SLC26A7: variants seen among roughly 807,000 people sequenced by gnomAD.
The protein encoded by SLC26A7 is solute carrier family 26 member 7.
A neutral mutation model predicts 82.5 loss-of-function variants in SLC26A7; 59 were observed. The observed-to-expected ratio is 0.72, with a 90% CI of 0.58 to 0.89. The LOEUF (loss-of-function observed/expected upper bound fraction) is 0.89, where lower values mean the gene tolerates loss of function less well. SLC26A7 is among the 40% of genes least tolerant of loss of function. The pLI, the probability that SLC26A7 is intolerant of heterozygous loss-of-function variation, is 0.00. For synonymous variants in SLC26A7, 271 were observed against 274.3 expected (o/e 0.99, Z 0.12); for missense variants, 820 against 793.0 (o/e 1.03, Z -0.41).
At chr8:91,299,162 T>A (rs187946325) in intron 4 of SLC26A7, among the ~76,000 whole-genome samples, 7 of 152,278 alleles carry the variant, frequency 4.6e-5, no homozygotes, top group African/African-American at 1.2e-4. Flanking sequence ...AGTTTTAGAT[T>A]TTTTTCTCTT....
chr8:91,219,405 G>A (rs962868073), intron 2 of SLC26A7, among the ~76,000 whole-genome samples: 1 of 152,066 alleles, frequency 6.6e-6, no homozygotes, highest in Non-Finnish European at 1.5e-5. Flanking sequence ...TATTATATTT[G>A]TGTGATTTCA....
chr8:91,347,535 A>T (rs747416497), intron 9 of SLC26A7, among the ~76,000 whole-genome samples: 2 of 152,172 alleles, frequency 1.3e-5, no homozygotes, highest in Non-Finnish European at 2.9e-5. Flanking sequence ...AAAATCTGGT[A>T]TTTTAGATTT....
chr8:91,306,139 A>T (rs988723524), intron 4 of SLC26A7, among the ~76,000 whole-genome samples: 2 of 152,142 alleles, frequency 1.3e-5, no homozygotes, highest in African/African-American at 4.8e-5. Context: ...GAACATATCC[A>T]TGCTGTCCTG....
chr8:91,269,078 A>T (rs1811195078), intron 2 of SLC26A7, among the ~76,000 whole-genome samples: 1 of 151,946 alleles, frequency 6.6e-6, no homozygotes, highest in Non-Finnish European at 1.5e-5. Context: ...TGTCTTTAAT[A>T]GTTTTGTTTT....
chr8:91,263,519 G>C (rs746373765), intron 2 of SLC26A7, among the ~76,000 whole-genome samples: 1 of 152,086 alleles, frequency 6.6e-6, no homozygotes, highest in Non-Finnish European at 1.5e-5. Context: ...CATCTTAAGA[G>C]AATGATAATT....
chr8:91,390,110 CT>C (rs1202015002), intron 16 of SLC26A7, among the ~76,000 whole-genome samples: 11,178 of 139,142 alleles, frequency 0.08, 436 homozygotes, highest in African/African-American at 0.11. Context: ...CCCCACCCGC[CT>C]TTTTTTTTTT....
At chr8:91,226,563 T>G (rs1810242283) in intron 2 of SLC26A7, among the ~76,000 whole-genome samples, 1 of 152,250 alleles carries the variant, frequency 6.6e-6, no homozygotes, top group African/African-American at 2.4e-5. Context: ...ATTCACTTAT[T>G]AGATAAATAT....
rs1173473672 is a variant in SLC26A7, at chr8:91,381,872, TG to T, written c.1676-7465del. On this transcript the variant is annotated intron_variant, in intron 15 of 18. Coordinates refer to ENST00000276609, the MANE Select transcript of SLC26A7 (RefSeq NM_052832.4). ...ATTTAATCCCTAAAACCTGTAACTT[TG>T]TTTCATTACCTTTACATTTTTACTT... 2.0e-5 allele frequency among the ~76,000 whole-genome samples: 3 copies of T among 152,316 alleles called. No individual in the cohort carries two copies. The East Asian group carries it at 5.8e-4, about 29-fold the overall frequency.
At chr8:91,344,129 A>G in intron 9 of SLC26A7, 1 of 985,408 alleles carries the variant, frequency 1.0e-6, no homozygotes, top group Non-Finnish European at 1.2e-6. Context: ...ATTGGCTGTC[A>G]TACTTTTGTT....
At chr8:91,391,610 G>A (rs1437222528) in intron 16 of SLC26A7, among the ~76,000 whole-genome samples, 1 of 151,958 alleles carries the variant, frequency 6.6e-6, no homozygotes, top group Non-Finnish European at 1.5e-5. Flanking sequence ...TCTTGTATTC[G>A]GCATTTTTAT....
chr8:91,254,788 T>G (rs1355121855), intron 2 of SLC26A7, among the ~76,000 whole-genome samples: 2 of 152,180 alleles, frequency 1.3e-5, no homozygotes, highest in Non-Finnish European at 2.9e-5. Flanking sequence ...TAAAAATATT[T>G]TTAACATTTG....
intron 2 of SLC26A7, among the ~76,000 whole-genome samples, chr8:91,229,481 AT>A (rs1335530700): frequency 6.6e-6 from 1 of 152,214 alleles, no homozygotes; most frequent in Non-Finnish European, 1.5e-5. Flanking sequence ...AGATTCTAAA[AT>A]TAACATTTAC....
intron 2 of SLC26A7, among the ~76,000 whole-genome samples, chr8:91,260,095 A>G (rs1810920205): frequency 2.0e-5 from 3 of 152,076 alleles, no homozygotes; most frequent in Admixed American, 1.3e-4. Flanking sequence ...CCATTTTAAC[A>G]CTGCTGTAAA....
At position 91,340,424 on chromosome 8, in the gene SLC26A7, C is replaced by T; in HGVS notation, c.899C>T (p.Pro300Leu). The T allele has an allele frequency of 1.2e-6, 2 of 1,613,876 alleles. No individual in the cohort carries two copies. Among genetic ancestry groups the T allele is most frequent in the Non-Finnish European group, 8.5e-7 (1 of 1,179,884 alleles). ...IPQGIPSPRA[P>L]PMNILSAVIT... ...CACAGAATTCCCTCACCTAGAGCTCCCCCGATGAACATCCTCTCTGCGGTG... is the reference window on the plus strand; with the variant it reads ...CACAGAATTCCCTCACCTAGAGCTCTCCCGATGAACATCCTCTCTGCGGTG... Residue 300 changes from proline (P) to leucine (L), a missense_variant, in exon 8 of 19, where the codon CCC (proline) becomes CTC (leucine). Coordinates refer to ENST00000276609, the MANE Select transcript of SLC26A7 (RefSeq NM_052832.4).
At chr8:91,295,778 A>C in intron 4 of SLC26A7, 75 bp downstream of exon 4, 1 of 1,433,598 alleles carries the variant, frequency 7.0e-7, no homozygotes, top group East Asian at 2.3e-5. Flanking sequence ...TTTTATTTTT[A>C]TTCTTGTTCA....
chr8:91,298,136 C>T (rs985345144), intron 4 of SLC26A7, among the ~76,000 whole-genome samples: 1 of 152,224 alleles, frequency 6.6e-6, no homozygotes, highest in South Asian at 2.1e-4. Flanking sequence ...ATGAACTAAT[C>T]AGCTTTCTGT....
rs1808578653 is a variant in SLC26A7 at position 91,396,584 on chromosome 8, A to G, written c.*1487A>G. ...GAAAGAGAATTAAGAAAGGTTTTGA[A>G]TTCTTATAACATATCCAGCCATTTC... On this transcript the variant is annotated 3_prime_UTR_variant, in exon 19 of 19. Transcript: ENST00000276609. 6.6e-6 allele frequency: 1 copy of G among 152,036 alleles called. No homozygotes were observed. The highest frequency in any genetic ancestry group is 1.5e-5 in the Non-Finnish European group (1 of 67,900). The allele number at this position is 152,036 out of a possible 1,614,324, so 9.4% of individuals were successfully genotyped here. A position where few individuals can be genotyped will look rare whatever the true frequency, so the allele number is the denominator to read the frequency against.
chr8:91,368,867 G>A (rs1446435203), intron 14 of SLC26A7, among the ~76,000 whole-genome samples: 1 of 152,194 alleles, frequency 6.6e-6, no homozygotes, highest in Non-Finnish European at 1.5e-5. Context: ...TAAAAAGGGA[G>A]GTAGAAATAG....
chr8:91,395,075 T>C lies in SLC26A7; in HGVS notation c.1949T>C (p.Leu650Pro). 6.2e-7 allele frequency: 1 copy of C among 1,613,432 alleles called. No individual in the cohort carries two copies. Among genetic ancestry groups the C allele is most frequent in the Non-Finnish European group, 8.5e-7 (1 of 1,179,386 alleles). Residue 650 changes from leucine to proline, a missense_variant, in exon 19 of 19, where the codon CTC (leucine) becomes CCC (proline). Coordinates refer to ENST00000276609, the MANE Select transcript of SLC26A7 (RefSeq NM_052832.4). ...HIHSNKNLSK[L>P]SDHSEV ...CTGGTATTTCAGAATTTGAGCAAAC[T>C]CAGTGACCACAGTGAAGTCTGAGAC...
Sources: gnomAD v4.1 joint callset for allele counts (sites outside exome capture counted in the v4.1 genomes callset) on GRCh38, gnomAD v4.1.1 for gene constraint, MANE v1.5 for transcripts, NCBI Gene and HGNC (gene_info 2026-07-23, HGNC 2026-07-21) for gene names.